The following SGCD variants were observed in gnomAD, a reference collection of about 807,000 sequenced individuals.
The protein encoded by SGCD is delta-sarcoglycan.
A neutral mutation model predicts 36.6 loss-of-function variants in SGCD; 18 were observed. The ratio of observed to expected loss-of-function variants is 0.49; its 90% CI spans 0.34 to 0.73. The LOEUF (loss-of-function observed/expected upper bound fraction) is 0.73, where lower values mean the gene tolerates loss of function less well. SGCD is among the 30% of genes least tolerant of loss of function. The probability of loss-of-function intolerance (pLI) is 0.01; values close to 1 mark genes in which losing one functional copy is unlikely to be tolerated. For synonymous variants in SGCD, 133 were observed against 130.6 expected (o/e 1.02, Z -0.12); for missense variants, 387 against 346.7 (o/e 1.12, Z -0.92).
intron 1 of SGCD, among the ~76,000 whole-genome samples, chr5:155,888,079 C>G (rs1756047110): frequency 6.6e-6 from 1 of 152,218 alleles, no homozygotes; most frequent in Non-Finnish European, 1.5e-5. Flanking sequence ...CTATGAGATT[C>G]TGCAACCAAA....
intron 4 of SGCD, among the ~76,000 whole-genome samples, chr5:156,543,044 A>G (rs543309472): frequency 6.6e-6 from 1 of 152,212 alleles, no homozygotes; most frequent in Non-Finnish European, 1.5e-5. Flanking sequence ...ACCAAAGAAG[A>G]TCATGATTCT....
In SGCD at chr5:156,367,787, A is replaced by C. The variant is rs537404528; in HGVS notation, c.192+23110A>C. ...CTGATGACTATGCCTGCTGCTTTCA[A>C]CTGTGGTTGTGTTGTAAGCTAGGTG... On this transcript the variant is annotated intron_variant, in intron 3 of 8. Transcript: ENST00000337851. 2.4e-3 allele frequency among the ~76,000 whole-genome samples: 367 copies of C among 152,262 alleles called. 2 individuals are homozygous for C. The highest frequency in any genetic ancestry group is 8.5e-3 in the African/African-American group (353 of 41,560).
At chr5:155,844,831 A>G in the SGCD span, among the ~76,000 whole-genome samples, 17 of 152,342 alleles carry the variant, frequency 1.1e-4, no homozygotes, top group East Asian at 3.1e-3. Flanking sequence ...TGCATGCCAT[A>G]TAATGACTGG....
intron 3 of SGCD, among the ~76,000 whole-genome samples, chr5:156,232,488 G>A (rs1355953465): frequency 1.3e-5 from 2 of 152,148 alleles, no homozygotes; most frequent in Non-Finnish European, 2.9e-5. Flanking sequence ...TTATATTTGT[G>A]AGCCTTTCAC....
rs1755282791 is a variant in SGCD, at chr5:156,478,392, G to A, written c.193-30209G>A. 2.6e-5 allele frequency among the ~76,000 whole-genome samples: 4 copies of A among 151,926 alleles called. No individual in the cohort carries two copies. In the South Asian group the frequency reaches 8.3e-4, roughly 32 times the overall value. On this transcript the variant is annotated intron_variant, in intron 3 of 8. Transcript: ENST00000337851. ...TGTGCAGGTGGCTCTGCTCCCCCTG[G>A]GCTACTCTGAGCCACACGCATCTTT...
chr5:155,739,406 G>C, the SGCD span, among the ~76,000 whole-genome samples: 1 of 152,220 alleles, frequency 6.6e-6, no homozygotes, highest in African/African-American at 2.4e-5. Flanking sequence ...AATACAGTGG[G>C]TGAGTAGGTG....
chr5:156,156,176 G>A (rs1174403434), intron 3 of SGCD, among the ~76,000 whole-genome samples: 1 of 151,496 alleles, frequency 6.6e-6, no homozygotes, highest in Non-Finnish European at 1.5e-5. Flanking sequence ...GTTGTAATGC[G>A]ACCCCTTCAT....
chr5:156,536,004 C>T (rs756245871), intron 4 of SGCD, among the ~76,000 whole-genome samples: 14 of 152,068 alleles, frequency 9.2e-5, no homozygotes, highest in Non-Finnish European at 1.9e-4. Context: ...GCGTATGAGA[C>T]ATAAGTAATT....
chr5:155,964,449 C>G (rs113352148), intron 1 of SGCD, among the ~76,000 whole-genome samples: 2 of 152,010 alleles, frequency 1.3e-5, no homozygotes, highest in Non-Finnish European at 2.9e-5. Context: ...AGTGATTCTC[C>G]TCCCTCAGCC....
chr5:156,151,194 T>A (rs1030708630), intron 3 of SGCD, among the ~76,000 whole-genome samples: 1 of 151,680 alleles, frequency 6.6e-6, no homozygotes, highest in Admixed American at 6.6e-5. Flanking sequence ...TCCTCTTTCC[T>A]ATCTCCATTC....
intron 7 of SGCD, among the ~76,000 whole-genome samples, chr5:156,709,978 G>A (rs969291913): frequency 5.9e-5 from 9 of 152,024 alleles, no homozygotes; most frequent in South Asian, 2.1e-4. Flanking sequence ...GAAAAGCACC[G>A]AGAAAGAGAC....
chr5:156,615,517 G>A (rs1310397103), intron 6 of SGCD, among the ~76,000 whole-genome samples: 1 of 152,118 alleles, frequency 6.6e-6, no homozygotes, highest in African/African-American at 2.4e-5. Flanking sequence ...GTACATCTAG[G>A]CTTTTGAATT....
At chr5:156,741,470 T>G (rs1438529893) in intron 7 of SGCD, among the ~76,000 whole-genome samples, 6 of 151,730 alleles carry the variant, frequency 4.0e-5, no homozygotes, top group Admixed American at 3.9e-4. Context: ...GTACATTAAG[T>G]GGAATTTGAG....
intron 3 of SGCD, among the ~76,000 whole-genome samples, chr5:156,351,582 G>C (rs1028433164): frequency 1.3e-5 from 2 of 149,634 alleles, no homozygotes; most frequent in African/African-American, 5.0e-5. Flanking sequence ...ACACTTTATA[G>C]AAGTGTTTGC....
intron 3 of SGCD, among the ~76,000 whole-genome samples, chr5:156,358,444 C>G (rs1201617177): frequency 6.6e-6 from 1 of 152,150 alleles, no homozygotes; most frequent in Non-Finnish European, 1.5e-5. Context: ...AAATCCTCAC[C>G]TCTTCAAGTC....
At chr5:156,365,893 T>C (rs1265307948) in intron 3 of SGCD, among the ~76,000 whole-genome samples, 1 of 132,910 alleles carries the variant, frequency 7.5e-6, no homozygotes, top group African/African-American at 2.6e-5. Flanking sequence ...CATATACATG[T>C]ATACATATGT....
chr5:155,924,218 G>A (rs1756948583), intron 1 of SGCD, among the ~76,000 whole-genome samples: 1 of 152,116 alleles, frequency 6.6e-6, no homozygotes. Flanking sequence ...AACATATCTA[G>A]TCATAGCAAA....
chr5:156,068,596 C>T (rs865920653), intron 1 of SGCD, among the ~76,000 whole-genome samples: 8,990 of 150,474 alleles, frequency 0.06, 901 homozygotes, highest in African/African-American at 0.21. Context: ...TGTGCATGTG[C>T]CTTTATAGCA....
At chr5:155,728,515 G>C in the SGCD span, among the ~76,000 whole-genome samples, 2 of 152,178 alleles carry the variant, frequency 1.3e-5, no homozygotes, top group Admixed American at 6.5e-5. Context: ...ACAGCCTGGA[G>C]AAACAGCCCC....
Sources: gnomAD v4.1 joint callset for allele counts (sites outside exome capture counted in the v4.1 genomes callset) on GRCh38, gnomAD v4.1.1 for gene constraint, MANE v1.5 for transcripts, NCBI Gene and HGNC (gene_info 2026-07-23, HGNC 2026-07-21) for gene names.